OPCML: variants seen among roughly 807,000 people sequenced by gnomAD.
OPCML encodes opioid-binding protein/cell adhesion molecule.
A neutral mutation model predicts 37.8 loss-of-function variants in OPCML; 13 were observed. The observed-to-expected ratio is 0.34, with a 90% CI of 0.22 to 0.55. OPCML has a LOEUF of 0.55. Among genes scored for constraint, OPCML ranks in the 20% least tolerant of loss-of-function variants. The pLI, the probability that OPCML is intolerant of heterozygous loss-of-function variation, is 0.91. For synonymous variants in OPCML, 176 were observed against 168.8 expected, an observed-to-expected ratio of 1.04 and a Z score of -0.33; for missense variants, 341 against 435.6, an observed-to-expected ratio of 0.78 and a Z score of 1.93.
chr11:132,880,300 C>T (rs1455958982), intron 2 of OPCML, among the ~76,000 whole-genome samples: 1 of 152,198 alleles, frequency 6.6e-6, no homozygotes, highest in East Asian at 1.9e-4. Flanking sequence ...GCTCTCTTGA[C>T]CATCTACAAC....
chr11:132,477,259 G>A (rs2096159633), intron 4 of OPCML, among the ~76,000 whole-genome samples: 1 of 152,176 alleles, frequency 6.6e-6, no homozygotes, highest in Non-Finnish European at 1.5e-5. Flanking sequence ...ATTCCTGGCT[G>A]CACATTCTTT....
Position 132,782,973 on chromosome 11 carries a change from T to C in OPCML, c.147-125654A>G, listed in dbSNP as rs1428640309. Among the ~76,000 whole-genome samples the C allele has an allele frequency of 4.1e-5, 6 of 145,288 alleles. No homozygotes were observed. In the East Asian group the frequency reaches 1.2e-3, roughly 28 times the overall value. On this transcript the variant is annotated intron_variant, in intron 2 of 7. Coordinates refer to ENST00000524381, the MANE Select transcript of OPCML (RefSeq NM_001012393.5). ...TATGTATGTATAATCCAGTTGTATT[T>C]TCTTTACTTTCAGAAAGACTATAGC...
chr11:132,920,212 G>C (rs1249006787), intron 2 of OPCML, among the ~76,000 whole-genome samples: 1 of 152,184 alleles, frequency 6.6e-6, no homozygotes, highest in Non-Finnish European at 1.5e-5. Context: ...ATCAAGCAAG[G>C]CATTTTGGAA....
At chr11:133,398,866 G>T (rs559481462) in intron 1 of OPCML, among the ~76,000 whole-genome samples, 2 of 152,148 alleles carry the variant, frequency 1.3e-5, no homozygotes, top group South Asian at 2.1e-4. Flanking sequence ...TTTTCTATTA[G>T]CCCTATTTCT....
At chr11:132,848,056 A>G (rs1171779021) in intron 2 of OPCML, among the ~76,000 whole-genome samples, 1 of 152,178 alleles carries the variant, frequency 6.6e-6, no homozygotes, top group Admixed American at 6.5e-5. Flanking sequence ...TATCGTATTG[A>G]GAAGAAAAAT....
In OPCML at chr11:132,657,105, C is replaced by T. The variant is rs532881174; in HGVS notation, c.361G>A (p.Val121Ile). 3.3e-5 allele frequency: 54 copies of T among 1,614,176 alleles called. No homozygotes were observed. In the South Asian group the frequency reaches 5.6e-4, roughly 17 times the overall value. Reference sequence around the variant, plus strand: ...GACTTACCTTGCACTATTAGGTGAACCCGGGACGTTTTGGGATGATTGTCT... The same window carrying T: ...GACTTACCTTGCACTATTAGGTGAATCCGGGACGTTTTGGGATGATTGTCT... ...QTDNHPKTSR[V>I]HLIVQVPPQI... Residue 121 changes from valine (V) to isoleucine (I), a missense_variant, in exon 3 of 8, where the codon GTT becomes ATT. Val to Ile is a conservative substitution (Grantham distance 29). Coordinates refer to ENST00000524381, the MANE Select transcript of OPCML (RefSeq NM_001012393.5).
intron 1 of OPCML, among the ~76,000 whole-genome samples, chr11:133,077,646 A>C (rs2137022998): frequency 6.6e-6 from 1 of 152,318 alleles, no homozygotes; most frequent in East Asian, 1.9e-4. Flanking sequence ...AGCACAAGAA[A>C]TATGTTAACA....
At chr11:133,440,046 A>C (rs1046059214) in intron 1 of OPCML, among the ~76,000 whole-genome samples, 4 of 152,174 alleles carry the variant, frequency 2.6e-5, no homozygotes, top group Non-Finnish European at 5.9e-5. Context: ...GTAAACCAAC[A>C]AACTTTTTAG....
chr11:132,776,708 T>C (rs1399459566), intron 2 of OPCML, among the ~76,000 whole-genome samples: 2 of 152,062 alleles, frequency 1.3e-5, no homozygotes, highest in Admixed American at 1.3e-4. Flanking sequence ...TGCAGAACCA[T>C]AAGCCAATGA....
chr11:133,384,439 C>T (rs141722209), intron 1 of OPCML, among the ~76,000 whole-genome samples: 214 of 152,220 alleles, frequency 1.4e-3, no homozygotes, highest in African/African-American at 4.9e-3. Context: ...ATTAACATCT[C>T]ATTCAACCGT....
intron 1 of OPCML, among the ~76,000 whole-genome samples, chr11:133,153,938 T>A (rs1270490006): frequency 6.6e-6 from 1 of 151,954 alleles, no homozygotes; most frequent in Non-Finnish European, 1.5e-5. Context: ...AGCTGACACT[T>A]GTTTACTTCT....
At chr11:132,763,496 G>A (rs577362271) in intron 2 of OPCML, among the ~76,000 whole-genome samples, 8 of 152,258 alleles carry the variant, frequency 5.3e-5, no homozygotes, top group Non-Finnish European at 1.2e-4. Flanking sequence ...TCCACTATGC[G>A]TTGTGGCTTC....
chr11:133,317,209 A>T (rs900508731), intron 1 of OPCML, among the ~76,000 whole-genome samples: 2 of 152,220 alleles, frequency 1.3e-5, no homozygotes, highest in African/African-American at 4.8e-5. Context: ...AAAATAAAAA[A>T]TACATAAAGT....
chr11:133,268,025 A>T (rs1941712997), intron 1 of OPCML, among the ~76,000 whole-genome samples: 1 of 152,218 alleles, frequency 6.6e-6, no homozygotes, highest in East Asian at 1.9e-4. Context: ...CAGTAGGTGC[A>T]GTTCCTTCTG....
intron 3 of OPCML, among the ~76,000 whole-genome samples, chr11:132,555,605 C>G (rs75111646): frequency 2.4e-4 from 37 of 152,200 alleles, no homozygotes; most frequent in African/African-American, 8.2e-4. Flanking sequence ...AATTTAGATT[C>G]ATTTTCAGAG....
In OPCML at chr11:132,611,752, C is replaced by T. The variant is rs140586813; in HGVS notation, c.379+45335G>A. ...TATTATGAGACGGAAACCAGGGGCT[C>T]GACAAATTCCAATGAAAGAAAGTCA... is the stretch of plus-strand genomic sequence containing the variant. On this transcript the variant is annotated intron_variant, in intron 3 of 7. Transcript: ENST00000524381. 1.1e-4 allele frequency among the ~76,000 whole-genome samples: 16 copies of T among 152,114 alleles called. No homozygotes were observed. In the East Asian group the frequency reaches 2.3e-3, roughly 22 times the overall value.
chr11:132,792,491 T>C (rs1194829761), intron 2 of OPCML, among the ~76,000 whole-genome samples: 1 of 152,000 alleles, frequency 6.6e-6, no homozygotes, highest in Non-Finnish European at 1.5e-5. Context: ...CTCCAAGGAG[T>C]CCGCTCTCCC....
At chr11:132,743,319 A>C (rs1296073567) in intron 2 of OPCML, among the ~76,000 whole-genome samples, 1 of 152,174 alleles carries the variant, frequency 6.6e-6, no homozygotes, top group African/African-American at 2.4e-5. Flanking sequence ...TACCAGCTCT[A>C]CTAGATTAGC....
At chr11:133,361,929 G>A (rs1281213465) in intron 1 of OPCML, 1 of 152,208 alleles carries the variant, frequency 6.6e-6, no homozygotes. Flanking sequence ...GCAGCGCAGA[G>A]GCTTCTAGAG....
Sources: gnomAD v4.1 joint callset for allele counts (sites outside exome capture counted in the v4.1 genomes callset) on GRCh38, gnomAD v4.1.1 for gene constraint, MANE v1.5 for transcripts, NCBI Gene and HGNC (gene_info 2026-07-23, HGNC 2026-07-21) for gene names.